The following DEPTOR variants were observed in gnomAD, a reference collection of about 807,000 sequenced individuals.
The protein encoded by DEPTOR is DEP domain-containing mTOR-interacting protein.
In DEPTOR, 41 loss-of-function variants were observed where a neutral mutation model predicts 41.6. The observed-to-expected ratio is 0.98, with a 90% confidence interval of 0.77 to 1.28. The LOEUF (loss-of-function observed/expected upper bound fraction) is 1.28, where lower values mean the gene tolerates loss of function less well. Ranked by LOEUF, DEPTOR falls within the 50% of genes most tolerant of loss-of-function variation. The probability of loss-of-function intolerance (pLI) is 0.00; values close to 1 mark genes in which losing one functional copy is unlikely to be tolerated. For missense variants in DEPTOR, 514 were observed against 527.9 expected, an observed-to-expected ratio of 0.97 and a Z score of 0.26; for synonymous variants, 195 against 192.3, an observed-to-expected ratio of 1.01 and a Z score of -0.12.
chr8:119,897,964 T>C (rs192497875), intron 1 of DEPTOR, among the ~76,000 whole-genome samples: 1 of 152,358 alleles, frequency 6.6e-6, no homozygotes, highest in Admixed American at 6.5e-5. Context: ...GAAGTAACTT[T>C]TTTTCAATTA....
intron 8 of DEPTOR, among the ~76,000 whole-genome samples, chr8:120,016,229 A>C (rs1221740807): frequency 6.6e-6 from 1 of 152,102 alleles, no homozygotes; most frequent in African/African-American, 2.4e-5. Context: ...TCATGACCTA[A>C]TTACCTTCCA....
rs1278087543 is a variant in DEPTOR at position 119,883,091 on chromosome 8, G to A, written c.122+9123G>A. 3.9e-5 allele frequency among the ~76,000 whole-genome samples: 6 copies of A among 152,142 alleles called. No individual in the cohort carries two copies. In the East Asian group the frequency reaches 1.2e-3, roughly 29 times the overall value. On this transcript the variant is annotated intron_variant, in intron 1 of 8. Coordinates refer to ENST00000286234, the MANE Select transcript of DEPTOR (RefSeq NM_022783.4). ...TGAGCTATTTTCATCAGGGCTGGCT[G>A]CAGAGAATCACTTTTTGGTAGCTTT...
chr8:119,963,120 C>T (rs1299926978), intron 3 of DEPTOR, among the ~76,000 whole-genome samples: 3 of 151,924 alleles, frequency 2.0e-5, no homozygotes, highest in Non-Finnish European at 4.4e-5. Flanking sequence ...GGATAGTAAT[C>T]GAAGACAGGA....
At chr8:120,045,733 G>A (rs1281173148) in intron 8 of DEPTOR, among the ~76,000 whole-genome samples, 1 of 152,172 alleles carries the variant, frequency 6.6e-6, no homozygotes, top group African/African-American at 2.4e-5. Flanking sequence ...TTGATGACAA[G>A]TTCAATGTCA....
chr8:119,890,039 A>C (rs1473087569), intron 1 of DEPTOR, among the ~76,000 whole-genome samples: 5 of 152,134 alleles, frequency 3.3e-5, no homozygotes, highest in Non-Finnish European at 7.3e-5. Context: ...ATCTTGGCTC[A>C]CTGGAACATC....
At chr8:119,890,051 G>A (rs1340819326) in intron 1 of DEPTOR, among the ~76,000 whole-genome samples, 3 of 151,414 alleles carry the variant, frequency 2.0e-5, no homozygotes, top group Non-Finnish European at 4.4e-5. Context: ...TGGAACATCT[G>A]CCTCCTGGGT....
At chr8:119,897,202 G>T (rs1397176001) in intron 1 of DEPTOR, among the ~76,000 whole-genome samples, 1 of 152,034 alleles carries the variant, frequency 6.6e-6, no homozygotes, top group Non-Finnish European at 1.5e-5. Flanking sequence ...TACACATAAG[G>T]GATAGATTAT....
At chr8:120,041,069 G>A (rs917955304) in intron 8 of DEPTOR, among the ~76,000 whole-genome samples, 1 of 152,248 alleles carries the variant, frequency 6.6e-6, no homozygotes, top group South Asian at 2.1e-4. Flanking sequence ...GTCAGAAGCA[G>A]CCTTCCCCTT....
intron 4 of DEPTOR, among the ~76,000 whole-genome samples, chr8:119,993,104 A>T (rs934955618): frequency 6.6e-5 from 10 of 152,176 alleles, no homozygotes; most frequent in African/African-American, 2.4e-4. Flanking sequence ...TGCTAAAATC[A>T]TCCTAATAAT....
intron 4 of DEPTOR, among the ~76,000 whole-genome samples, chr8:120,000,897 GT>G (rs1812337254): frequency 2.6e-5 from 4 of 151,726 alleles, no homozygotes; most frequent in Admixed American, 2.0e-4. Context: ...GGCCAACATG[GT>G]GCAACCCCGT....
intron 8 of DEPTOR, among the ~76,000 whole-genome samples, chr8:120,023,596 G>A (rs1812755209): frequency 6.6e-6 from 1 of 152,102 alleles, no homozygotes; most frequent in Non-Finnish European, 1.5e-5. Flanking sequence ...TACTATATCT[G>A]CTGGGATGTT....
chr8:119,884,517 C>A (rs1481519402), intron 1 of DEPTOR, among the ~76,000 whole-genome samples: 1 of 150,360 alleles, frequency 6.7e-6, no homozygotes, highest in Non-Finnish European at 1.5e-5. Flanking sequence ...TTAAGGACAA[C>A]CAATATGAGA....
chr8:120,006,957 C>G (rs1221059349), intron 7 of DEPTOR, 82 bp downstream of exon 7: 2 of 1,316,764 alleles, frequency 1.5e-6, no homozygotes, highest in African/African-American at 3.0e-5. Flanking sequence ...AGCTTATAGA[C>G]TGAAATGAAA....
At chr8:119,989,069 A>G (rs1213162496) in intron 4 of DEPTOR, among the ~76,000 whole-genome samples, 1 of 148,270 alleles carries the variant, frequency 6.7e-6, no homozygotes, top group African/African-American at 2.5e-5. Flanking sequence ...CCAAAGTGCT[A>G]GGATTACATA....
At chr8:119,944,737 C>T (rs756014264) in intron 3 of DEPTOR, among the ~76,000 whole-genome samples, 1 of 151,638 alleles carries the variant, frequency 6.6e-6, no homozygotes, top group Admixed American at 6.6e-5. Flanking sequence ...TTACTGCAAC[C>T]TCCGCCTCCT....
chr8:120,030,130 T>A (rs1812862609), intron 8 of DEPTOR, among the ~76,000 whole-genome samples: 1 of 152,050 alleles, frequency 6.6e-6, no homozygotes, highest in Non-Finnish European at 1.5e-5. Flanking sequence ...TGCATGGGTG[T>A]CCCCTGCCTT....
At chr8:120,042,388 G>A (rs1321146258) in intron 8 of DEPTOR, among the ~76,000 whole-genome samples, 1 of 152,156 alleles carries the variant, frequency 6.6e-6, no homozygotes, top group Non-Finnish European at 1.5e-5. Flanking sequence ...ATGTTACATA[G>A]TAATACCTAC....
chr8:119,916,866 G>T (rs572019017), intron 1 of DEPTOR, among the ~76,000 whole-genome samples: 1 of 152,178 alleles, frequency 6.6e-6, no homozygotes, highest in Non-Finnish European at 1.5e-5. Flanking sequence ...TTATTTGGTC[G>T]GTTGTTTGTT....
intron 8 of DEPTOR, 74 bp downstream of exon 8, chr8:120,009,207 C>A: frequency 7.6e-7 from 1 of 1,315,380 alleles, no homozygotes; most frequent in Non-Finnish European, 1.1e-6. Flanking sequence ...ATGATTCTTA[C>A]TAGGGATCCA....
Sources: gnomAD v4.1 joint callset for allele counts (sites outside exome capture counted in the v4.1 genomes callset) on GRCh38, gnomAD v4.1.1 for gene constraint, MANE v1.5 for transcripts, NCBI Gene and HGNC (gene_info 2026-07-23, HGNC 2026-07-21) for gene names.